Variants in SLC6A17 observed in about 807,000 individuals in gnomAD.
The protein encoded by SLC6A17 is solute carrier family 6 member 17.
SLC6A17 carries 21 observed loss-of-function variants against 64.5 expected under a neutral mutation model. The ratio of observed to expected loss-of-function variants is 0.33; its 90% CI spans 0.23 to 0.47. The LOEUF (loss-of-function observed/expected upper bound fraction) is 0.47, where lower values mean the gene tolerates loss of function less well. Ranked by LOEUF, SLC6A17 falls within the 20% of genes least tolerant of loss-of-function variation. The probability of loss-of-function intolerance (pLI) is 1.00; values close to 1 mark genes in which losing one functional copy is unlikely to be tolerated. For missense variants in SLC6A17, 682 were observed against 963.2 expected (o/e 0.71, Z 3.86); for synonymous variants, 372 against 399.5 (o/e 0.93, Z 0.82).
intron 11 of SLC6A17, 129 bp downstream of exon 11, chr1:110,197,728 A>C: frequency 9.2e-7 from 1 of 1,089,140 alleles, no homozygotes; most frequent in South Asian, 1.7e-5. Flanking sequence ...CTCACACCTA[A>C]ACCGCAATCT....
chr1:110,159,315 G>C (rs913279285), intron 1 of SLC6A17, among the ~76,000 whole-genome samples: 1 of 152,308 alleles, frequency 6.6e-6, no homozygotes, highest in East Asian at 1.9e-4. Context: ...TGCACACAGA[G>C]CATGCGTTCT....
At position 110,158,601 on chromosome 1, in the gene SLC6A17, TAG is replaced by T. The variant is rs1655820439; in HGVS notation, c.-88+7719_-88+7720del. ...ATACTCATGACAACCCTACGAGGTG[TAG>T]CATCCTTCATCCCTATCTTTTCAGG... is the stretch of plus-strand genomic sequence containing the variant. On this transcript the variant is annotated intron_variant, in intron 1 of 11. Coordinates refer to ENST00000331565, the MANE Select transcript of SLC6A17 (RefSeq NM_001010898.4). Among the ~76,000 whole-genome samples, 3 of 152,370 alleles carry T rather than the reference TAG, an allele frequency of 2.0e-5. No individual in the cohort carries two copies. In the South Asian group the frequency reaches 6.2e-4, roughly 32 times the overall value.
chr1:110,194,704 C>T lies in SLC6A17; in HGVS notation c.1425C>T (p.Ile475=), dbSNP rs200290904. 306 of 1,614,178 alleles carry T rather than the reference C, an allele frequency of 1.9e-4. 1 individual carries two copies. Among genetic ancestry groups the T allele is most frequent in the Non-Finnish European group, 2.0e-4 (240 of 1,180,044 alleles). The change falls in exon 9 of 12, where the codon ATC becomes ATT. Residue 475 remains isoleucine (I), a synonymous_variant. Transcript: ENST00000331565. The stretch of plus-strand genomic sequence containing the variant: ...TCAACCTGGGCCTGGGCAGCATGAT[C>T]GGGACCATGGCAGGCATCACCACGC... ...MLINLGLGSM[I]GTMAGITTPI...
intron 1 of SLC6A17, among the ~76,000 whole-genome samples, chr1:110,164,806 G>T (rs568279187): frequency 5.4e-4 from 82 of 152,302 alleles, no homozygotes; most frequent in Non-Finnish European, 8.5e-4. Flanking sequence ...GACCGAAGCT[G>T]CCACTCACTA....
Position 110,192,728 on chromosome 1 carries a change from A to G in SLC6A17, c.1299+30A>G, listed in dbSNP as rs1656865782. Reference sequence around the variant, plus strand: ...GGGGACAGGCTGCCCTTCCCAGGACAGGCAGGAACCCAGAGAGCAGCTGTG... The same window carrying G: ...GGGGACAGGCTGCCCTTCCCAGGACGGGCAGGAACCCAGAGAGCAGCTGTG... On this transcript the variant is annotated intron_variant, in intron 8 of 11. Coordinates refer to ENST00000331565, the MANE Select transcript of SLC6A17 (RefSeq NM_001010898.4). The surrounding 1 kb of genome is among the most constrained non-coding windows in gnomAD (Gnocchi z 4.3). 2 of 1,594,216 alleles carry G rather than the reference A, an allele frequency of 1.3e-6. No individual in the cohort carries two copies. Among genetic ancestry groups the G allele is most frequent in the Non-Finnish European group, 1.7e-6 (2 of 1,168,348 alleles).
chr1:110,174,981 C>T, intron 5 of SLC6A17, 21 bp downstream of exon 5: 1 of 1,605,622 alleles, frequency 6.2e-7, no homozygotes, highest in East Asian at 2.2e-5. Context: ...AGGGGGGCAC[C>T]CAGGACCCAA....
rs1437321841 is a variant in SLC6A17 at position 110,176,635 on chromosome 1, T to A, written c.760T>A (p.Tyr254Asn). 1 of 1,614,030 alleles carries A rather than the reference T, an allele frequency of 6.2e-7. No homozygotes were observed. The highest frequency in any genetic ancestry group is 8.5e-7 in the Non-Finnish European group (1 of 1,179,958). Residue 254 changes from tyrosine (Y) to asparagine (N), a missense_variant, in exon 6 of 12, where the codon TAT becomes AAT. By Grantham distance (143) the Tyr-to-Asn change is moderately radical. Coordinates refer to ENST00000331565, the MANE Select transcript of SLC6A17 (RefSeq NM_001010898.4). ...KGIQSSGKVM[Y>N]FSSLFPYVVL... The stretch of plus-strand genomic sequence containing the variant: ...TTCCCTGTCCTCTCTGCAGGTGATG[T>A]ATTTCAGCTCCCTCTTCCCCTACGT...
chr1:110,174,044 C>T lies in SLC6A17; in HGVS notation c.516C>T (p.Phe172=), dbSNP rs1206325575. ...GCATCTTCTATTTCTTCAAGTCCTT[C>T]CAGTACCCGCTGCCCTGGAGTGAAT... is the stretch of plus-strand genomic sequence containing the variant. The part of the protein sequence containing the change: ...GWSIFYFFKS[F]QYPLPWSECP... Residue 172 remains phenylalanine (F), a synonymous_variant, in exon 4 of 12, where the codon TTC becomes TTT. Coordinates refer to ENST00000331565, the MANE Select transcript of SLC6A17 (RefSeq NM_001010898.4). 1 of 1,614,200 alleles carries T rather than the reference C, an allele frequency of 6.2e-7. No homozygotes were observed. Among genetic ancestry groups the T allele is most frequent in the Admixed American group, 1.7e-5 (1 of 60,026 alleles).
intron 6 of SLC6A17, among the ~76,000 whole-genome samples, chr1:110,185,085 C>T (rs1309550055): frequency 6.6e-6 from 1 of 152,150 alleles, no homozygotes. Flanking sequence ...GGCCCAGCCT[C>T]ATTACCAGAG....
At position 110,192,668 on chromosome 1, in the gene SLC6A17, C is replaced by T. The variant is rs62636569; in HGVS notation, c.1269C>T (p.Asp423=). Residue 423 remains aspartate, a synonymous_variant, in exon 8 of 12, where the codon GAC becomes GAT. Transcript: ENST00000331565. The surrounding 1 kb of genome is among the most constrained non-coding windows in gnomAD (Gnocchi z 4.3). ...KEDQFSALGL[D]PCLLEDELDK... Reference sequence around the variant, plus strand: ...ACCAGTTCTCAGCCCTGGGCCTTGACCCCTGCCTTCTGGAGGACGAGCTGG... The same window carrying T: ...ACCAGTTCTCAGCCCTGGGCCTTGATCCCTGCCTTCTGGAGGACGAGCTGG... The T allele has an allele frequency of 0.043, 70,085 of 1,613,878 alleles. 1,839 individuals are homozygous for T. Among genetic ancestry groups the T allele is most frequent in the Non-Finnish European group, 0.05 (59,483 of 1,179,862 alleles).
chr1:110,166,520 C>A (rs1303456354), intron 1 of SLC6A17, among the ~76,000 whole-genome samples: 3 of 152,248 alleles, frequency 2.0e-5, no homozygotes, highest in Non-Finnish European at 4.4e-5. Context: ...GGGGCTTGAG[C>A]ACTCTAAGCT....
chr1:110,155,756 G>A (rs1557828074), intron 1 of SLC6A17, among the ~76,000 whole-genome samples: 1 of 152,172 alleles, frequency 6.6e-6, no homozygotes, highest in Non-Finnish European at 1.5e-5. Context: ...GCTGGATTCT[G>A]CATCCCACCA....
intron 6 of SLC6A17, among the ~76,000 whole-genome samples, chr1:110,184,495 A>C (rs1034286006): frequency 1.3e-5 from 2 of 152,204 alleles, no homozygotes; most frequent in Non-Finnish European, 2.9e-5. Flanking sequence ...TAAACCTCCT[A>C]ACAACCCTGG....
At chr1:110,194,285 A>G (rs561450885) in intron 8 of SLC6A17, among the ~76,000 whole-genome samples, 3 of 152,266 alleles carry the variant, frequency 2.0e-5, no homozygotes, top group African/African-American at 4.8e-5. Context: ...AGCTGGGTGT[A>G]TTTCTAAACA....
Position 110,198,620 on chromosome 1 carries a change from G to A in SLC6A17, c.*176G>A, listed in dbSNP as rs529425726. On this transcript the variant is annotated 3_prime_UTR_variant, in exon 12 of 12. Transcript: ENST00000331565. ...CCAGTAGACTCTGCTCCCTAGCCCT[G>A]AGCAGGAGGCTGGGAGCAGCTCTGT... is the stretch of plus-strand genomic sequence containing the variant. 76 of 1,122,362 alleles carry A rather than the reference G, an allele frequency of 6.8e-5. No homozygotes were observed. The South Asian group carries it at 1.3e-3, about 19-fold the overall frequency. 69.5% of individuals were successfully genotyped at this position (1,122,362 alleles called of 1,614,324 possible).
Position 110,192,803 on chromosome 1 carries a change from A to G in SLC6A17, c.1299+105A>G. 2 of 1,259,026 alleles carry G rather than the reference A, an allele frequency of 1.6e-6. No homozygotes were observed. Among genetic ancestry groups the G allele is most frequent in the Non-Finnish European group, 2.2e-6 (2 of 922,166 alleles). 78.0% of individuals were successfully genotyped at this position (1,259,026 alleles called of 1,614,324 possible). On this transcript the variant is annotated intron_variant, in intron 8 of 11. Coordinates refer to ENST00000331565, the MANE Select transcript of SLC6A17 (RefSeq NM_001010898.4). The surrounding 1 kb of genome is among the most constrained non-coding windows in gnomAD (Gnocchi z 4.3). ...CTCAGGATGCTGACAGGTAGTCATT[A>G]GTTTACTTGGTAAGCAAGGATCTGC... is the stretch of plus-strand genomic sequence containing the variant.
At chr1:110,168,796 C>T (rs1258036337) in intron 2 of SLC6A17, among the ~76,000 whole-genome samples, 1 of 152,148 alleles carries the variant, frequency 6.6e-6, no homozygotes, top group Non-Finnish European at 1.5e-5. Flanking sequence ...CCTTTCTATG[C>T]CACACACAAG....
Position 110,201,364 on chromosome 1 carries a change from A to T in SLC6A17, c.*2920A>T, listed in dbSNP as rs1657123131. 1 of 152,356 alleles carries T rather than the reference A, an allele frequency of 6.6e-6. No homozygotes were observed. The highest frequency in any genetic ancestry group is 1.5e-5 in the Non-Finnish European group (1 of 68,190). 9.4% of individuals were successfully genotyped at this position (152,356 alleles called of 1,614,324 possible). A position where few individuals can be genotyped will look rare whatever the true frequency, so the allele number is the denominator to read the frequency against. On this transcript the variant is annotated 3_prime_UTR_variant, in exon 12 of 12. Coordinates refer to ENST00000331565, the MANE Select transcript of SLC6A17 (RefSeq NM_001010898.4). ...GAGGACCAGGTCCCCAAGTCCCTTC[A>T]CAGGGTCCCCACCCCCACTGGCTTT...
intron 6 of SLC6A17, among the ~76,000 whole-genome samples, chr1:110,184,549 C>T (rs557834127): frequency 6.6e-6 from 1 of 152,306 alleles, no homozygotes; most frequent in African/African-American, 2.4e-5. Flanking sequence ...GATGGGAAAA[C>T]TGAAGCACAG....
Sources: allele counts gnomAD v4.1 joint callset (sites outside exome capture counted in the v4.1 genomes callset), GRCh38; gene constraint gnomAD v4.1.1; non-coding constraint Gnocchi (gnomAD v3.1); transcripts MANE v1.5; gene names NCBI Gene and HGNC (gene_info 2026-07-23, HGNC 2026-07-21).